Variants in RXRA observed in about 807,000 individuals in gnomAD.
RXRA encodes the protein retinoid X receptor alpha.
Under a neutral mutation model 44.5 loss-of-function variants are expected in RXRA, and 5 were observed. The ratio of observed to expected loss-of-function variants is 0.11; its 90% CI spans 0.06 to 0.24. The LOEUF (loss-of-function observed/expected upper bound fraction) is 0.24, where lower values mean the gene tolerates loss of function less well. Among genes scored for constraint, RXRA ranks in the 10% least tolerant of loss-of-function variants. The pLI is 1.00. For missense variants in RXRA, 412 were observed against 646.5 expected, an observed-to-expected ratio of 0.64 and a Z score of 3.93; for synonymous variants, 291 against 271.4, an observed-to-expected ratio of 1.07 and a Z score of -0.71.
intron 4 of RXRA, among the ~76,000 whole-genome samples, chr9:134,411,245 C>CA: frequency 6.6e-6 from 1 of 152,316 alleles, no homozygotes; most frequent in East Asian, 1.9e-4. Context: ...CTGGGATCAT[C>CA]AGACTCCAGC....
chr9:134,408,883 TG>T, intron 3 of RXRA, 56 bp from the exon 4 acceptor site: 1 of 1,394,804 alleles, frequency 7.2e-7, no homozygotes, highest in South Asian at 1.6e-5. Context: ...GGATGGGGGG[TG>T]GGCTCCCTGC....
Position 134,412,002 on chromosome 9 carries a change from T to C in RXRA, c.610+2883T>C, listed in dbSNP as rs552106568. 8.7e-4 allele frequency among the ~76,000 whole-genome samples: 132 copies of C among 152,214 alleles called. 1 individual carries two copies. The highest frequency in any genetic ancestry group is 3.3e-3 in the Admixed American group (51 of 15,306). On this transcript the variant is annotated intron_variant, in intron 4 of 9. Transcript: ENST00000481739. ...TGGGAGGGCTTGGCAGGCACCCTCC[T>C]CCCCGGCCTGCGTCTGGGTGCTGGG...
chr9:134,362,907 T>G (rs1272508440), intron 1 of RXRA, among the ~76,000 whole-genome samples: 1 of 152,226 alleles, frequency 6.6e-6, no homozygotes, highest in Non-Finnish European at 1.5e-5. Flanking sequence ...CACAGCGTTG[T>G]CCCCAGCCTG....
At chr9:134,378,175 C>T (rs1830587017) in intron 1 of RXRA, among the ~76,000 whole-genome samples, 1 of 152,246 alleles carries the variant, frequency 6.6e-6, no homozygotes, top group African/African-American at 2.4e-5. Context: ...ACAGGCAAGG[C>T]ACAGAGCTCT....
intron 1 of RXRA, among the ~76,000 whole-genome samples, chr9:134,360,554 G>A (rs927026492): frequency 2.6e-5 from 4 of 152,226 alleles, no homozygotes; most frequent in South Asian, 4.1e-4. Context: ...CGCCCCTTCC[G>A]GCGCACTTGT....
intron 1 of RXRA, among the ~76,000 whole-genome samples, chr9:134,346,970 A>C (rs1830160475): frequency 6.6e-6 from 1 of 152,174 alleles, no homozygotes; most frequent in Non-Finnish European, 1.5e-5. Context: ...CAGGCACCAC[A>C]TCCTGGACCT....
intron 1 of RXRA, among the ~76,000 whole-genome samples, chr9:134,363,763 C>T (rs1253003109): frequency 2.0e-5 from 3 of 152,196 alleles, no homozygotes; most frequent in Middle Eastern, 3.2e-3. Flanking sequence ...CCCAGGCCGC[C>T]CTGAGCATGG....
intron 1 of RXRA, among the ~76,000 whole-genome samples, chr9:134,393,700 T>G (rs1489864414): frequency 6.6e-6 from 1 of 152,172 alleles, no homozygotes; most frequent in African/African-American, 2.4e-5. Context: ...CATGCCCCAG[T>G]TAGTGAGTGT....
intron 4 of RXRA, among the ~76,000 whole-genome samples, chr9:134,412,910 G>T (rs1393639437): frequency 1.3e-5 from 2 of 152,220 alleles, no homozygotes; most frequent in East Asian, 1.9e-4. Context: ...TTTCCTTCCT[G>T]CCTGCCTTTG....
At position 134,426,851 on chromosome 9, in the gene RXRA, G is replaced by GT; in HGVS notation, c.911-2256dup. 1 of 985,406 alleles carries GT rather than the reference G, an allele frequency of 1.0e-6. No homozygotes were observed. Among genetic ancestry groups the GT allele is most frequent in the Non-Finnish European group, 1.2e-6 (1 of 829,920 alleles). The allele number at this position is 985,406 out of a possible 1,614,324, so 61.0% of individuals were successfully genotyped here. On this transcript the variant is annotated intron_variant, in intron 6 of 9. Coordinates refer to ENST00000481739, the MANE Select transcript of RXRA (RefSeq NM_002957.6). This position sits in a 1 kb window ranked among gnomAD's most constrained non-coding sequence, Gnocchi z 4.6. Reference sequence around the variant, plus strand: ...CCAGATCTTGTCCTCGGCCCCCTGGGTCCCTGCCCTTGGCCACAGGAAGTC... The same window carrying GT: ...CCAGATCTTGTCCTCGGCCCCCTGGGTTCCCTGCCCTTGGCCACAGGAAGTC...
At chr9:134,400,022 C>T (rs1830934670) in intron 1 of RXRA, among the ~76,000 whole-genome samples, 1 of 152,234 alleles carries the variant, frequency 6.6e-6, no homozygotes, top group Non-Finnish European at 1.5e-5. Flanking sequence ...CCTGCTGCCT[C>T]TGAGCTGGCC....
chr9:134,417,180 T>A lies in RXRA; in HGVS notation c.633T>A (p.Arg211=), dbSNP rs772938265. ...TAGCCGTGCAGGAGGAGCGGCAGCGTGGCAAGGACCGGAACGAGAATGAGG... is the reference window on the plus strand; with the variant it reads ...TAGCCGTGCAGGAGGAGCGGCAGCGAGGCAAGGACCGGAACGAGAATGAGG... ...KREAVQEERQ[R]GKDRNENEVE... The change falls in exon 5 of 10, where the codon CGT becomes CGA. Residue 211 remains arginine, a synonymous_variant. Transcript: ENST00000481739. The surrounding 1 kb of genome is among the most constrained non-coding windows in gnomAD (Gnocchi z 6.1). The A allele has an allele frequency of 6.2e-7, 1 of 1,612,660 alleles. No homozygotes were observed. Among genetic ancestry groups the A allele is most frequent in the Non-Finnish European group, 8.5e-7 (1 of 1,179,872 alleles).
chr9:134,426,327 G>A lies in RXRA; in HGVS notation c.911-2781G>A. On this transcript the variant is annotated intron_variant, in intron 6 of 9. Coordinates refer to ENST00000481739, the MANE Select transcript of RXRA (RefSeq NM_002957.6). This position sits in a 1 kb window ranked among gnomAD's most constrained non-coding sequence, Gnocchi z 4.6. The stretch of plus-strand genomic sequence containing the variant: ...GCAGCGATGGAGCACTTAGGAAGGT[G>A]AAGACACCCCAAAGGTTACTGTAAA... 1.0e-6 allele frequency: 1 copy of A among 985,462 alleles called. No homozygotes were observed. Among genetic ancestry groups the A allele is most frequent in the South Asian group, 4.7e-5 (1 of 21,292 alleles). 61.0% of individuals were successfully genotyped at this position (985,462 alleles called of 1,614,324 possible).
chr9:134,329,622 A>G (rs2119005372), intron 1 of RXRA, among the ~76,000 whole-genome samples: 1 of 152,104 alleles, frequency 6.6e-6, no homozygotes, highest in South Asian at 2.1e-4. Flanking sequence ...TGTGGGGTGC[A>G]GGTTGAGCCG....
At chr9:134,403,620 G>C (rs1267079558) in intron 2 of RXRA, 2 of 152,352 alleles carry the variant, frequency 1.3e-5, no homozygotes, top group Non-Finnish European at 2.9e-5. Flanking sequence ...TGGCAGTGGT[G>C]CTCCCAGAAT....
chr9:134,423,092 C>T (rs894942088), intron 6 of RXRA: 2 of 985,306 alleles, frequency 2.0e-6, no homozygotes, highest in Admixed American at 6.1e-5. Flanking sequence ...ATGGGGCAGG[C>T]CCCCCGCAAA....
At chr9:134,402,194 G>T in intron 2 of RXRA, 1 of 413,520 alleles carries the variant, frequency 2.4e-6, no homozygotes. Context: ...ACTCAGCAGA[G>T]AGAGGCTGTG....
chr9:134,328,206 T>C (rs563904180), intron 1 of RXRA, among the ~76,000 whole-genome samples: 4 of 152,258 alleles, frequency 2.6e-5, no homozygotes, highest in East Asian at 1.9e-4. Context: ...AGACGATTCC[T>C]CTGGAACAAG....
intron 1 of RXRA, among the ~76,000 whole-genome samples, chr9:134,370,424 C>T (rs548962355): frequency 9.8e-5 from 15 of 152,316 alleles, no homozygotes; most frequent in Admixed American, 2.0e-4. Flanking sequence ...CTCCTCACCT[C>T]GGGACCCCAC....
Sources: gnomAD v4.1 joint callset for allele counts (sites outside exome capture counted in the v4.1 genomes callset) on GRCh38, gnomAD v4.1.1 for gene constraint, Gnocchi (gnomAD v3.1) non-coding constraint, MANE v1.5 for transcripts, NCBI Gene and HGNC (gene_info 2026-07-23, HGNC 2026-07-21) for gene names.